SMIM20: variants seen among roughly 807,000 people sequenced by gnomAD.
SMIM20 encodes the protein small integral membrane protein 20.
A neutral mutation model predicts 8.7 loss-of-function variants in SMIM20; 3 were observed. That is an observed-to-expected ratio of 0.34 (90% CI 0.16 to 0.89). The LOEUF (loss-of-function observed/expected upper bound fraction) is 0.89, where lower values mean the gene tolerates loss of function less well. Ranked by LOEUF, SMIM20 falls within the 40% of genes least tolerant of loss-of-function variation. The probability of loss-of-function intolerance (pLI) is 0.49; values close to 1 mark genes in which losing one functional copy is unlikely to be tolerated. For synonymous variants in SMIM20, 44 were observed against 33.6 expected (o/e 1.31, Z -1.07); for missense variants, 85 against 84.8 (o/e 1.00, Z -0.01).
intron 1 of SMIM20, among the ~76,000 whole-genome samples, chr4:25,925,746 A>G (rs964645709): frequency 1.3e-5 from 2 of 152,376 alleles, no homozygotes; most frequent in African/African-American, 2.4e-5. Context: ...TGTTCAAGTA[A>G]CAAGTCACAC....
chr4:25,923,532 T>C (rs1314733021), intron 1 of SMIM20, among the ~76,000 whole-genome samples: 1 of 152,220 alleles, frequency 6.6e-6, no homozygotes, highest in Non-Finnish European at 1.5e-5. Flanking sequence ...CCTAACTCCT[T>C]GACCTTGCCT....
intron 1 of SMIM20, among the ~76,000 whole-genome samples, chr4:25,918,867 G>A (rs1719144886): frequency 1.4e-5 from 2 of 142,500 alleles, no homozygotes; most frequent in South Asian, 4.7e-4. Context: ...TATACACGCA[G>A]ACTTTGTCCT....
intron 1 of SMIM20, among the ~76,000 whole-genome samples, chr4:25,925,897 C>T (rs1306042341): frequency 6.6e-6 from 1 of 152,190 alleles, no homozygotes; most frequent in African/African-American, 2.4e-5. Flanking sequence ...TAATAATACA[C>T]TTTGGCCCCT....
chr4:25,929,473 C>G lies in SMIM20; in HGVS notation c.*282C>G. 2.6e-6 allele frequency: 1 copy of G among 382,892 alleles called. No individual in the cohort carries two copies. Among genetic ancestry groups the G allele is most frequent in the Non-Finnish European group, 4.7e-6 (1 of 213,000 alleles). 23.7% of individuals were successfully genotyped at this position (382,892 alleles called of 1,614,324 possible). A position where few individuals can be genotyped will look rare whatever the true frequency, so the allele number is the denominator to read the frequency against. On this transcript the variant is annotated 3_prime_UTR_variant, in exon 3 of 3. Coordinates refer to ENST00000506197, the MANE Select transcript of SMIM20 (RefSeq NM_001145432.3). ...TCTCACCCAGCTGGGTTTGGAGGAG[C>G]AATCTGCTTATTATTCTGTCGTTAC...
chr4:25,929,360 C>A lies in SMIM20; in HGVS notation c.*169C>A. ...AGACTGTGCACAAGGATTAATATTT[C>A]CCTTCTTAAGTATCAAAAGAACTCT... is the stretch of plus-strand genomic sequence containing the variant. On this transcript the variant is annotated 3_prime_UTR_variant, in exon 3 of 3. Coordinates refer to ENST00000506197, the MANE Select transcript of SMIM20 (RefSeq NM_001145432.3). The A allele has an allele frequency of 1.7e-6, 1 of 604,372 alleles. No individual in the cohort carries two copies. The highest frequency in any genetic ancestry group is 2.7e-6 in the Non-Finnish European group (1 of 364,890). 37.4% of individuals were successfully genotyped at this position (604,372 alleles called of 1,614,324 possible).
intron 1 of SMIM20, among the ~76,000 whole-genome samples, chr4:25,916,224 G>A (rs1319484541): frequency 6.7e-6 from 1 of 150,336 alleles, no homozygotes; most frequent in Non-Finnish European, 1.5e-5. Flanking sequence ...GTTCCTTTTT[G>A]TTTTTTTTTC....
At chr4:25,918,758 C>T (rs1719142907) in intron 1 of SMIM20, among the ~76,000 whole-genome samples, 1 of 152,068 alleles carries the variant, frequency 6.6e-6, no homozygotes, top group South Asian at 2.1e-4. Flanking sequence ...AGGTGATCTA[C>T]CTGCCTCAGC....
chr4:25,924,866 C>T (rs116392805), intron 1 of SMIM20, among the ~76,000 whole-genome samples: 5,409 of 152,014 alleles, frequency 0.036, 159 homozygotes, highest in African/African-American at 0.081. Context: ...GGAAAATGCT[C>T]CAAAATCTGG....
At chr4:25,915,424 C>G (rs1719066056) in intron 1 of SMIM20, among the ~76,000 whole-genome samples, 1 of 152,180 alleles carries the variant, frequency 6.6e-6, no homozygotes. Context: ...TTAACGGACA[C>G]TGAAAGCTTG....
At position 25,919,095 on chromosome 4, in the gene SMIM20, G is replaced by A. The variant is rs567466572; in HGVS notation, c.109+4673G>A. Among the ~76,000 whole-genome samples, 31 of 148,574 alleles carry A rather than the reference G, an allele frequency of 2.1e-4. No individual in the cohort carries two copies. The East Asian group carries it at 3.0e-3, about 14-fold the overall frequency. On this transcript the variant is annotated intron_variant, in intron 1 of 2. Transcript: ENST00000506197. ...AATTTTTTGTATTTTTAGTAGAGAC[G>A]GGGTTTCACCTTGTTAGCCAGGATG...
chr4:25,918,670 C>A (rs1035326515), intron 1 of SMIM20, among the ~76,000 whole-genome samples: 1 of 151,790 alleles, frequency 6.6e-6, no homozygotes, highest in Admixed American at 6.6e-5. Context: ...ACCACCACGC[C>A]TGGCTATTTT....
chr4:25,920,950 G>A (rs980483438), intron 1 of SMIM20, among the ~76,000 whole-genome samples: 1 of 152,164 alleles, frequency 6.6e-6, no homozygotes, highest in African/African-American at 2.4e-5. Flanking sequence ...CTAGGTTTGT[G>A]CAAGTACACT....
chr4:25,915,940 G>C (rs1015818442), intron 1 of SMIM20, among the ~76,000 whole-genome samples: 1 of 149,264 alleles, frequency 6.7e-6, no homozygotes, highest in Admixed American at 6.8e-5. Flanking sequence ...GTGCATACAA[G>C]ACAGACCCCC....
intron 1 of SMIM20, among the ~76,000 whole-genome samples, chr4:25,918,889 CTTTTT>C (rs775952783): frequency 2.0e-3 from 183 of 91,624 alleles, no homozygotes; most frequent in Non-Finnish European, 3.4e-3. Context: ...ATGTGAATAT[CTTTTT>C]TTTTTTTTTT....
chr4:25,923,551 T>C lies in SMIM20; in HGVS notation c.110-4762T>C, dbSNP rs557109344. On this transcript the variant is annotated intron_variant, in intron 1 of 2. Transcript: ENST00000506197. Reference sequence around the variant, plus strand: ...ACTCCTTGACCTTGCCTGTACTTAATGCCCTGCCTCATGATGCCTTCAGAC... The same window carrying C: ...ACTCCTTGACCTTGCCTGTACTTAACGCCCTGCCTCATGATGCCTTCAGAC... Among the ~76,000 whole-genome samples the C allele has an allele frequency of 2.1e-3, 321 of 152,318 alleles. 4 individuals are homozygous for C. The highest frequency in any genetic ancestry group is 3.8e-3 in the Non-Finnish European group (259 of 68,022).
Position 25,915,627 on chromosome 4 carries a change from G to A in SMIM20, c.109+1205G>A, listed in dbSNP as rs117719243. On this transcript the variant is annotated intron_variant, in intron 1 of 2. Transcript: ENST00000506197. ...CATGCACCATGCGTGGGAGTAAGGTGGGCTGTGTGAAGCCCTGCGGGATCT... is the reference window on the plus strand; with the variant it reads ...CATGCACCATGCGTGGGAGTAAGGTAGGCTGTGTGAAGCCCTGCGGGATCT... Among the ~76,000 whole-genome samples the A allele has an allele frequency of 6.5e-4, 99 of 152,254 alleles. No individual in the cohort carries two copies. The East Asian group carries it at 0.014, about 22-fold the overall frequency.
chr4:25,917,174 A>T (rs1560386442), intron 1 of SMIM20, among the ~76,000 whole-genome samples: 1 of 151,880 alleles, frequency 6.6e-6, no homozygotes, highest in Non-Finnish European at 1.5e-5. Flanking sequence ...AAGACAGCAT[A>T]CTGCTTGTCT....
chr4:25,917,979 T>G (rs1240317745), intron 1 of SMIM20, among the ~76,000 whole-genome samples: 3 of 150,224 alleles, frequency 2.0e-5, no homozygotes, highest in Non-Finnish European at 4.4e-5. Flanking sequence ...GTCTCGCTCT[T>G]TCGCCCAGGC....
chr4:25,928,705 C>G (rs1711579101), intron 2 of SMIM20, among the ~76,000 whole-genome samples: 1 of 152,144 alleles, frequency 6.6e-6, no homozygotes, highest in African/African-American at 2.4e-5. Flanking sequence ...TTAAACACTC[C>G]CCTCATGGGA....
Sources: allele counts gnomAD v4.1 joint callset (sites outside exome capture counted in the v4.1 genomes callset), GRCh38; gene constraint gnomAD v4.1.1; transcripts MANE v1.5; gene names NCBI Gene and HGNC (gene_info 2026-07-23, HGNC 2026-07-21).